Variants in ACOT7 observed in about 807,000 individuals in gnomAD.
ACOT7 encodes the protein cytosolic acyl coenzyme A thioester hydrolase.
Under a neutral mutation model 40.2 loss-of-function variants are expected in ACOT7, and 12 were observed. The observed-to-expected ratio is 0.30, with a 90% CI of 0.19 to 0.48. The LOEUF (loss-of-function observed/expected upper bound fraction) is 0.48, where lower values mean the gene tolerates loss of function less well. ACOT7 is among the 20% of genes least tolerant of loss of function. The probability of loss-of-function intolerance (pLI) is 0.99; values close to 1 mark genes in which losing one functional copy is unlikely to be tolerated. For synonymous variants in ACOT7, 228 were observed against 219.5 expected, an observed-to-expected ratio of 1.04 and a Z score of -0.34; for missense variants, 395 against 530.8, an observed-to-expected ratio of 0.74 and a Z score of 2.51.
chr1:6,370,844 T>TC (rs1642120430), intron 1 of ACOT7, among the ~76,000 whole-genome samples: 1 of 151,088 alleles, frequency 6.6e-6, no homozygotes, highest in African/African-American at 2.4e-5. Flanking sequence ...AGAGTCTCAC[T>TC]CTATTGCCCA....
chr1:6,339,012 A>T (rs1266752129), intron 3 of ACOT7, among the ~76,000 whole-genome samples: 1 of 152,154 alleles, frequency 6.6e-6, no homozygotes, highest in Admixed American at 6.5e-5. Flanking sequence ...CCCAGGAGCA[A>T]GCACTGTCCT....
At chr1:6,346,780 G>C (rs553597801) in intron 2 of ACOT7, among the ~76,000 whole-genome samples, 2 of 152,184 alleles carry the variant, frequency 1.3e-5, no homozygotes, top group Non-Finnish European at 2.9e-5. Flanking sequence ...GACCCAAAGT[G>C]GGGGTGGGCC....
chr1:6,320,883 T>G (rs965203869), intron 5 of ACOT7, among the ~76,000 whole-genome samples: 1 of 152,240 alleles, frequency 6.6e-6, no homozygotes, highest in African/African-American at 2.4e-5. Flanking sequence ...TCCATCGTGT[T>G]TACACGCAAT....
rs1175274369 is a variant in ACOT7 at position 6,275,262 on chromosome 1, C to A, written c.1014+5840G>T. On this transcript the variant is annotated intron_variant, in intron 8 of 8. Transcript: ENST00000361521. The surrounding 1 kb of genome is among the most constrained non-coding windows in gnomAD (Gnocchi z 5.6). ...GCTTCCTAACCAGAAAACAAACCTGCTGAGAATGGCCCCCGGCCTGGTAGG... is the reference window on the plus strand; with the variant it reads ...GCTTCCTAACCAGAAAACAAACCTGATGAGAATGGCCCCCGGCCTGGTAGG... Among the ~76,000 whole-genome samples the A allele has an allele frequency of 6.6e-6, 1 of 152,246 alleles. No homozygotes were observed. Among genetic ancestry groups the A allele is most frequent in the Non-Finnish European group, 1.5e-5 (1 of 68,048 alleles).
chr1:6,304,639 A>G (rs1422667316), intron 6 of ACOT7, among the ~76,000 whole-genome samples: 1 of 135,104 alleles, frequency 7.4e-6, no homozygotes, highest in East Asian at 2.0e-4. Context: ...AACAAAGCAC[A>G]TCTTGCACCG....
At chr1:6,385,611 G>A in intron 1 of ACOT7, 1 of 1,612,324 alleles carries the variant, frequency 6.2e-7, no homozygotes, top group African/African-American at 1.3e-5. Context: ...CAGCCTCCTG[G>A]AAGATGCCTG....
chr1:6,280,937 C>T (rs114971852), intron 8 of ACOT7, among the ~76,000 whole-genome samples, 165 bp downstream of exon 8: 53 of 152,354 alleles, frequency 3.5e-4, no homozygotes, highest in African/African-American at 1.3e-3. Context: ...ATCAGCCCCG[C>T]AGCCCGAGGT....
At chr1:6,382,242 A>G (rs1427847878) in intron 1 of ACOT7, among the ~76,000 whole-genome samples, 4 of 151,126 alleles carry the variant, frequency 2.6e-5, no homozygotes, top group Admixed American at 2.6e-4. Flanking sequence ...CGTCTCTACT[A>G]AAAATACAAA....
rs1278931085 is a variant in ACOT7, at chr1:6,278,745, C to T, written c.1014+2357G>A. Among the ~76,000 whole-genome samples, 3 of 152,142 alleles carry T rather than the reference C, an allele frequency of 2.0e-5. No homozygotes were observed. The highest frequency in any genetic ancestry group is 6.5e-5 in the Admixed American group (1 of 15,282). ...TTAGGACATGTCAAAGCCAAGGGTTCGGGGACCGTGTGGTGGCCGGGGAGG... is the reference window on the plus strand; with the variant it reads ...TTAGGACATGTCAAAGCCAAGGGTTTGGGGACCGTGTGGTGGCCGGGGAGG... On this transcript the variant is annotated intron_variant, in intron 8 of 8. Coordinates refer to ENST00000361521, the MANE Select transcript of ACOT7 (RefSeq NM_007274.4). This position sits in a 1 kb window ranked among gnomAD's most constrained non-coding sequence, Gnocchi z 4.1.
intron 1 of ACOT7, among the ~76,000 whole-genome samples, chr1:6,375,436 C>CG (rs1256695141): frequency 1.3e-5 from 2 of 149,466 alleles, no homozygotes; most frequent in African/African-American, 4.9e-5. Flanking sequence ...GGGAGGTAGA[C>CG]GCGGGCGGAT....
chr1:6,280,213 G>A (rs760524981), intron 8 of ACOT7, among the ~76,000 whole-genome samples: 2 of 152,234 alleles, frequency 1.3e-5, no homozygotes, highest in Non-Finnish European at 2.9e-5. Flanking sequence ...TCCCCGGAGG[G>A]GCAGGAAGCT....
At chr1:6,281,076 C>A (rs373086479) in intron 8 of ACOT7, 26 bp downstream of exon 8, 3 of 1,605,528 alleles carry the variant, frequency 1.9e-6, no homozygotes, top group Admixed American at 3.4e-5. Flanking sequence ...CAGGGAGGGG[C>A]CGCCGTTCCA....
At chr1:6,369,423 T>G (rs893731006) in intron 1 of ACOT7, among the ~76,000 whole-genome samples, 4 of 129,250 alleles carry the variant, frequency 3.1e-5, no homozygotes, top group Non-Finnish European at 4.8e-5. Flanking sequence ...TTTTTTTTTG[T>G]AGAGAAGGAG....
chr1:6,363,568 A>T (rs960421524), intron 1 of ACOT7, among the ~76,000 whole-genome samples: 2 of 152,240 alleles, frequency 1.3e-5, no homozygotes, highest in Middle Eastern at 6.8e-3. Context: ...GAAAGTACTA[A>T]AAGTCCCTGA....
intron 8 of ACOT7, among the ~76,000 whole-genome samples, chr1:6,276,999 C>A (rs1466928641): frequency 3.3e-5 from 5 of 152,102 alleles, no homozygotes; most frequent in Admixed American, 2.0e-4. Context: ...CACCCCCCCC[C>A]AGGGTATGGA....
At chr1:6,300,641 T>C (rs1639944313) in intron 6 of ACOT7, among the ~76,000 whole-genome samples, 1 of 137,938 alleles carries the variant, frequency 7.2e-6, no homozygotes, top group African/African-American at 2.9e-5. Flanking sequence ...GGCCGGCCTC[T>C]CTCCACAAAC....
intron 2 of ACOT7, among the ~76,000 whole-genome samples, chr1:6,340,695 G>A (rs909828223): frequency 3.9e-5 from 6 of 152,040 alleles, no homozygotes; most frequent in African/African-American, 1.2e-4. Flanking sequence ...TTCATTCAAC[G>A]TAGGAAAAAT....
rs2148443959 is a variant in ACOT7, at chr1:6,338,814, C to T, written c.418+619G>A. 6.6e-6 allele frequency among the ~76,000 whole-genome samples: 1 copy of T among 152,300 alleles called. No homozygotes were observed. Among genetic ancestry groups the T allele is most frequent in the Non-Finnish European group, 1.5e-5 (1 of 68,042 alleles). On this transcript the variant is annotated intron_variant, in intron 3 of 8. Transcript: ENST00000361521. This position sits in a 1 kb window ranked among gnomAD's most constrained non-coding sequence, Gnocchi z 4.4. ...AGAGGCCCGCCTTCCCCCTCACCTC[C>T]CGTCCCCAGCCTGGGTATAAAAAGA...
Position 6,304,317 on chromosome 1 carries a change from CAA to C in ACOT7, c.713-9339_713-9338del, listed in dbSNP as rs112875652. Among the ~76,000 whole-genome samples the C allele has an allele frequency of 2.0e-3, 221 of 110,842 alleles. 2 individuals are homozygous for C. Among genetic ancestry groups the C allele is most frequent in the African/African-American group, 4.9e-3 (158 of 32,006 alleles). The allele number at this position is 110,842 out of a possible 152,430, so 72.7% of individuals were successfully genotyped here. A position where few individuals can be genotyped will look rare whatever the true frequency, so the allele number is the denominator to read the frequency against. Reference sequence around the variant, plus strand: ...AAGCACAGGCTGGACAATGTGGCACCAAAAAAAAAAAAAAAAGAAAGAAAAGA... The same window carrying C: ...AAGCACAGGCTGGACAATGTGGCACCAAAAAAAAAAAAAAGAAAGAAAAGA... On this transcript the variant is annotated intron_variant, in intron 6 of 8. Coordinates refer to ENST00000361521, the MANE Select transcript of ACOT7 (RefSeq NM_007274.4).
Sources: gnomAD v4.1 joint callset for allele counts (sites outside exome capture counted in the v4.1 genomes callset) on GRCh38, gnomAD v4.1.1 for gene constraint, Gnocchi (gnomAD v3.1) non-coding constraint, MANE v1.5 for transcripts, NCBI Gene and HGNC (gene_info 2026-07-23, HGNC 2026-07-21) for gene names.